CCP110: variants seen among roughly 807,000 people sequenced by gnomAD.
The protein encoded by CCP110 is centriolar coiled-coil protein 110.
A neutral mutation model predicts 105.5 loss-of-function variants in CCP110; 43 were observed. That is an observed-to-expected ratio of 0.41 (90% CI 0.32 to 0.53). The LOEUF is 0.53. Among genes scored for constraint, CCP110 ranks in the 20% least tolerant of loss-of-function variants. The probability of loss-of-function intolerance (pLI) is 0.32; values close to 1 mark genes in which losing one functional copy is unlikely to be tolerated. For missense variants in CCP110, 1,016 were observed against 1,189.1 expected, an observed-to-expected ratio of 0.85 and a Z score of 2.14; for synonymous variants, 353 against 392.1, an observed-to-expected ratio of 0.90 and a Z score of 1.18.
chr16:19,535,244 C>G (rs185285565), intron 3 of CCP110, among the ~76,000 whole-genome samples: 1 of 151,926 alleles, frequency 6.6e-6, no homozygotes, highest in Non-Finnish European at 1.5e-5. Flanking sequence ...GTTTAATATA[C>G]GGATGTATAA....
chr16:19,540,159 CTTAG>C (rs779047651), intron 4 of CCP110, among the ~76,000 whole-genome samples: 9 of 152,336 alleles, frequency 5.9e-5, no homozygotes, highest in Non-Finnish European at 8.8e-5. Context: ...AATGTTTTCT[CTTAG>C]TTAGTAACTA....
chr16:19,545,741 TG>T (rs1329084766), intron 10 of CCP110, 75 bp from the exon 11 acceptor site: 11 of 754,848 alleles, frequency 1.5e-5, no homozygotes, highest in Non-Finnish European at 2.1e-5. Flanking sequence ...CCAGGCAATG[TG>T]GGATTATAAT....
At chr16:19,538,023 C>T (rs1597264118) in intron 4 of CCP110, among the ~76,000 whole-genome samples, 1 of 152,156 alleles carries the variant, frequency 6.6e-6, no homozygotes, top group African/African-American at 2.4e-5. Context: ...CTCAGCCTCC[C>T]AAAGCTGTGG....
exon 4 of CCP110, chr16:19,536,135 A>G: frequency 6.2e-7 from 1 of 1,614,034 alleles, no homozygotes; most frequent in Non-Finnish European, 8.5e-7. Context: ...CCAATGTAAA[A>G]CTGATGGAAT....
At chr16:19,541,806 C>A in intron 5 of CCP110, 81 bp from the exon 6 acceptor site, 2 of 704,984 alleles carry the variant, frequency 2.8e-6, no homozygotes, top group South Asian at 3.4e-5. Flanking sequence ...ATTACATGTA[C>A]TTTTGGCTAA....
intron 12 of CCP110, chr16:19,547,208 C>T (rs34943733): frequency 0.14 from 21,254 of 152,058 alleles, 2,115 homozygotes; most frequent in East Asian, 0.39. Flanking sequence ...AGTTCAAGAC[C>T]AGCCTGGCCA....
chr16:19,547,081 T>G (rs1970487409), intron 12 of CCP110: 1 of 152,080 alleles, frequency 6.6e-6, no homozygotes, highest in Non-Finnish European at 1.5e-5. Context: ...GTCCAGAGGA[T>G]CTTTGATACT....
chr16:19,538,728 G>A (rs1970170993), intron 4 of CCP110, among the ~76,000 whole-genome samples: 1 of 152,120 alleles, frequency 6.6e-6, no homozygotes, highest in South Asian at 2.1e-4. Context: ...TTTGTAGTAT[G>A]AGCTTCGTGT....
rs1184950359 is a variant in CCP110, at chr16:19,534,976, A to G, written c.271-964A>G. ...GCTCACTGCAAGCTCCGCCTCCCAGATTCATGCCATTCTCTTGCTTCAGCC... is the reference window on the plus strand; with the variant it reads ...GCTCACTGCAAGCTCCGCCTCCCAGGTTCATGCCATTCTCTTGCTTCAGCC... On this transcript the variant is annotated intron_variant, in intron 3 of 14. Transcript: ENST00000381396. 4.2e-5 allele frequency among the ~76,000 whole-genome samples: 6 copies of G among 144,376 alleles called. No homozygotes were observed. In the East Asian group the frequency reaches 1.2e-3, roughly 29 times the overall value. The allele number at this position is 144,376 out of a possible 152,430, so 94.7% of individuals were successfully genotyped here.
Position 19,551,359 on chromosome 16 carries a change from T to A in CCP110, c.*111T>A, listed in dbSNP as rs560576509. ...CTCCGTTTACACAGACAAAGTGACA[T>A]CAGAAGGCTGAGCACTTATCTGGAT... On this transcript the variant is annotated 3_prime_UTR_variant, in exon 15 of 15. Transcript: ENST00000381396. 31 of 893,336 alleles carry A rather than the reference T, an allele frequency of 3.5e-5. No homozygotes were observed. The South Asian group carries it at 4.2e-4, about 12-fold the overall frequency. The allele number at this position is 893,336 out of a possible 1,614,324, so 55.3% of individuals were successfully genotyped here. A position where few individuals can be genotyped will look rare whatever the true frequency, so the allele number is the denominator to read the frequency against.
chr16:19,550,783 A>G (rs1970611512), intron 14 of CCP110, among the ~76,000 whole-genome samples: 1 of 152,240 alleles, frequency 6.6e-6, no homozygotes, highest in Admixed American at 6.5e-5. Context: ...CTAAATTGCA[A>G]TCTCTGATGT....
chr16:19,543,044 C>T, intron 8 of CCP110, 50 bp downstream of exon 8: 1 of 1,039,558 alleles, frequency 9.6e-7, no homozygotes, highest in Non-Finnish European at 1.5e-6. Context: ...TAGTTTCTAT[C>T]AGTCTTGTGA....
intron 3 of CCP110, among the ~76,000 whole-genome samples, chr16:19,533,466 G>C (rs1339794022): frequency 6.6e-6 from 1 of 151,310 alleles, no homozygotes; most frequent in Non-Finnish European, 1.5e-5. Flanking sequence ...AGGGGAAAGA[G>C]GAAAGAAAAA....
At chr16:19,537,476 G>A in exon 4 of CCP110, 1 of 1,611,968 alleles carries the variant, frequency 6.2e-7, no homozygotes, top group South Asian at 1.1e-5. Context: ...CTGCCCTTAT[G>A]TCATAACAAG....
intron 4 of CCP110, among the ~76,000 whole-genome samples, chr16:19,538,303 T>TC (rs1970153604): frequency 1.7e-5 from 1 of 59,616 alleles, no homozygotes; most frequent in Non-Finnish European, 3.2e-5. Context: ...GAAACAGTTC[T>TC]TTTTTTTTTT....
exon 2 of CCP110, chr16:19,528,019 A>G (rs1206961831): frequency 6.2e-7 from 1 of 1,600,618 alleles, no homozygotes; most frequent in East Asian, 2.3e-5. Context: ...TCCTTTCTCC[A>G]CTGGTAAACT....
chr16:19,544,124 G>A (rs1391991359), intron 8 of CCP110, among the ~76,000 whole-genome samples: 6 of 152,040 alleles, frequency 3.9e-5, no homozygotes, highest in Non-Finnish European at 8.8e-5. Context: ...TGTCCCCCTC[G>A]GACGCCCAGC....
intron 2 of CCP110, among the ~76,000 whole-genome samples, chr16:19,530,281 C>T (rs1484811869): frequency 6.6e-6 from 1 of 152,072 alleles, no homozygotes; most frequent in African/African-American, 2.4e-5. Context: ...TTGGATTTGT[C>T]CCATTGTTTC....
In CCP110 at chr16:19,536,967, C is replaced by T. The variant is rs370713605; in HGVS notation, c.1298C>T (p.Ala433Val). 1.8e-4 allele frequency: 284 copies of T among 1,614,022 alleles called. No homozygotes were observed. Among genetic ancestry groups the T allele is most frequent in the Non-Finnish European group, 2.2e-4 (257 of 1,180,032 alleles). The stretch of plus-strand genomic sequence containing the variant: ...ATGCCAAAGTTACCAACTGATTTAG[C>T]GGGAGTTTGTTCAAGCAAGGTTTAT... Residue 433 changes from alanine (A) to valine (V), a missense_variant, in exon 4 of 15, where the codon GCG (alanine) becomes GTG (valine). Transcript: ENST00000381396.
Sources: allele counts gnomAD v4.1 joint callset (sites outside exome capture counted in the v4.1 genomes callset), GRCh38; gene constraint gnomAD v4.1.1; transcripts MANE v1.5; gene names NCBI Gene and HGNC (gene_info 2026-07-23, HGNC 2026-07-21).